The following ITPR1 variants were observed in gnomAD, a reference collection of about 807,000 sequenced individuals.
ITPR1 encodes inositol 1,4,5-trisphosphate-gated calcium channel ITPR1.
A neutral mutation model predicts 318.4 loss-of-function variants in ITPR1; 96 were observed. The observed-to-expected ratio is 0.30, with a 90% CI of 0.26 to 0.36. The LOEUF (loss-of-function observed/expected upper bound fraction) is 0.36. ITPR1 is among the 10% of genes least tolerant of loss of function. The pLI, the probability that ITPR1 is intolerant of heterozygous loss-of-function variation, is 1.00. For synonymous variants in ITPR1, 1,312 were observed against 1,289.9 expected (o/e 1.02, Z -0.37); for missense variants, 2,440 against 3,460.2 (o/e 0.71, Z 7.40).
In ITPR1 at chr3:4,735,294, G is replaced by A; in HGVS notation, c.5484G>A (p.Val1828=). The change falls in exon 44 of 62, where the codon GTG becomes GTA. Residue 1828 remains valine (V), a synonymous_variant. Coordinates refer to ENST00000649015, the MANE Select transcript of ITPR1 (RefSeq NM_001378452.1). The part of the protein sequence containing the change: ...DLIMNASSDR[V]FHESILLAIA... ...TCATGAACGCATCCAGTGACCGAGT[G>A]TTCCATGAAAGCATTCTCCTGGCCA... The A allele has an allele frequency of 1.2e-6, 2 of 1,613,962 alleles. No individual in the cohort carries two copies. Among genetic ancestry groups the A allele is most frequent in the Non-Finnish European group, 1.7e-6 (2 of 1,179,858 alleles).
chr3:4,620,957 G>A (rs752582711), intron 4 of ITPR1, among the ~76,000 whole-genome samples: 9 of 150,730 alleles, frequency 6.0e-5, no homozygotes, highest in Non-Finnish European at 8.8e-5. Context: ...ATAACTGACT[G>A]TTCTATATTT....
intron 44 of ITPR1, among the ~76,000 whole-genome samples, chr3:4,754,461 T>C (rs1206293777): frequency 6.6e-6 from 1 of 152,144 alleles, no homozygotes; most frequent in Non-Finnish European, 1.5e-5. Context: ...ACAGTGATCA[T>C]GTGGGTGAGC....
rs774093756 is a variant in ITPR1 at position 4,702,838 on chromosome 3, G to A, written c.4545G>A (p.Gln1515=). ...CTTTTGGCTTCTTGCAGACTCGCCAGCCTGTCTTTGTGCAACTGCTGCAAG... is the reference window on the plus strand; with the variant it reads ...CTTTTGGCTTCTTGCAGACTCGCCAACCTGTCTTTGTGCAACTGCTGCAAG... ...SDQSTTLQTR[Q]PVFVQLLQGV... Residue 1515 remains glutamine (Q), a synonymous_variant, in exon 36 of 62, where the codon CAG becomes CAA. Transcript: ENST00000649015. 2.5e-6 allele frequency: 4 copies of A among 1,613,772 alleles called. No individual in the cohort carries two copies. In the Admixed American group the frequency reaches 5.0e-5, roughly 20 times the overall value.
At chr3:4,761,216 G>A (rs2045420273) in intron 44 of ITPR1, among the ~76,000 whole-genome samples, 1 of 152,032 alleles carries the variant, frequency 6.6e-6, no homozygotes, top group African/African-American at 2.4e-5. Context: ...GAGGTTTGGG[G>A]GGGTTCACCC....
intron 48 of ITPR1, among the ~76,000 whole-genome samples, chr3:4,777,625 G>A (rs2046560985): frequency 6.6e-6 from 1 of 152,146 alleles, no homozygotes; most frequent in Admixed American, 6.6e-5. Context: ...CTTGCTCCAA[G>A]CTAAGAAGTG....
intron 10 of ITPR1, among the ~76,000 whole-genome samples, chr3:4,647,779 T>C (rs796265916): frequency 1.3e-5 from 2 of 152,330 alleles, no homozygotes; most frequent in African/African-American, 2.4e-5. Context: ...TCTGTGTAGC[T>C]TCTCTGGTGA....
Position 4,800,506 on chromosome 3 carries a change from C to T in ITPR1, c.7013C>T (p.Pro2338Leu). The part of the protein sequence containing the change: ...SLAIVIALPK[P>L]HGIRALIAST... ...GCCATCGTCATTGCCCTCCCCAAGC[C>T]CCATGGCATCCGGGCCTTAATTGCC... The change falls in exon 54 of 62, where the codon CCC becomes CTC. Residue 2338 changes from proline to leucine, a missense_variant. This residue lies in a region of ITPR1 where 126 missense variants were observed against 150.8 expected (regional missense o/e 0.84). Transcript: ENST00000649015. 1 of 1,613,990 alleles carries T rather than the reference C, an allele frequency of 6.2e-7. No individual in the cohort carries two copies. Among genetic ancestry groups the T allele is most frequent in the Non-Finnish European group, 8.5e-7 (1 of 1,179,888 alleles).
At chr3:4,670,003 A>G (rs1040369103) in intron 19 of ITPR1, among the ~76,000 whole-genome samples, 1 of 152,210 alleles carries the variant, frequency 6.6e-6, no homozygotes, top group Non-Finnish European at 1.5e-5. Flanking sequence ...TTTAGAAGTC[A>G]TGTAAACTCA....
chr3:4,648,267 C>T (rs1366804826), intron 10 of ITPR1, among the ~76,000 whole-genome samples: 1 of 152,162 alleles, frequency 6.6e-6, no homozygotes, highest in African/African-American at 2.4e-5. Context: ...TCCATTTTCC[C>T]CTTTCTTCCT....
At chr3:4,553,501 G>T (rs1461120219) in intron 4 of ITPR1, among the ~76,000 whole-genome samples, 2 of 152,166 alleles carry the variant, frequency 1.3e-5, no homozygotes, top group Non-Finnish European at 2.9e-5. Context: ...TACGATTTCA[G>T]CTCAATGTAA....
intron 60 of ITPR1, among the ~76,000 whole-genome samples, chr3:4,828,444 A>G (rs1157572144): frequency 6.6e-6 from 1 of 152,182 alleles, no homozygotes; most frequent in Non-Finnish European, 1.5e-5. Context: ...TTCTCTATTC[A>G]GAGTCTCAAA....
At chr3:4,635,314 A>C (rs2093150513) in intron 5 of ITPR1, among the ~76,000 whole-genome samples, 1 of 152,214 alleles carries the variant, frequency 6.6e-6, no homozygotes, top group Non-Finnish European at 1.5e-5. Flanking sequence ...GAAAGGTGCT[A>C]ACTCAGTAAA....
chr3:4,645,480 A>G lies in ITPR1; in HGVS notation c.708+10A>G. 2 of 1,610,290 alleles carry G rather than the reference A, an allele frequency of 1.2e-6. No homozygotes were observed. The highest frequency in any genetic ancestry group is 1.7e-4 in the Middle Eastern group (1 of 6,052). On this transcript the variant is annotated intron_variant, in intron 9 of 61. Transcript: ENST00000649015. ...CGACATATTAAAGGGGGTGAGTTTGATGCTTTATGGGCTGAGCATTACTTG... is the reference window on the plus strand; with the variant it reads ...CGACATATTAAAGGGGGTGAGTTTGGTGCTTTATGGGCTGAGCATTACTTG...
rs1292239078 is a variant in ITPR1 at position 4,818,263 on chromosome 3, G to A, written c.8028+21G>A. On this transcript the variant is annotated intron_variant, in intron 60 of 61. Coordinates refer to ENST00000649015, the MANE Select transcript of ITPR1 (RefSeq NM_001378452.1). ...TCAAGGTGAGTGGAAAGGCCTCCTG[G>A]GAGCAAGGTGGACTTGGGGCCTACT... 1.9e-6 allele frequency: 3 copies of A among 1,546,862 alleles called. No individual in the cohort carries two copies. The South Asian group carries it at 3.6e-5, about 19-fold the overall frequency.
In ITPR1 at chr3:4,645,488, T is replaced by G. The variant is rs368361481; in HGVS notation, c.708+18T>G. ...TAAAGGGGGTGAGTTTGATGCTTTA[T>G]GGGCTGAGCATTACTTGGCTCTTCT... is the stretch of plus-strand genomic sequence containing the variant. On this transcript the variant is annotated intron_variant, in intron 9 of 61. Coordinates refer to ENST00000649015, the MANE Select transcript of ITPR1 (RefSeq NM_001378452.1). 7 of 1,607,488 alleles carry G rather than the reference T, an allele frequency of 4.4e-6. No homozygotes were observed. Among genetic ancestry groups the G allele is most frequent in the African/African-American group, 2.7e-5 (2 of 74,914 alleles).
At chr3:4,794,946 G>T in intron 52 of ITPR1, 119 bp from the exon 53 acceptor site, 1 of 1,126,532 alleles carries the variant, frequency 8.9e-7, no homozygotes, top group Non-Finnish European at 1.2e-6. Flanking sequence ...TACTCTTGTG[G>T]TAAAAACCGG....
At chr3:4,638,441 C>T (rs1400414779) in intron 5 of ITPR1, among the ~76,000 whole-genome samples, 8 of 152,222 alleles carry the variant, frequency 5.3e-5, no homozygotes, top group Non-Finnish European at 8.8e-5. Context: ...TGAATGAATT[C>T]GGGAAGGTGG....
intron 5 of ITPR1, among the ~76,000 whole-genome samples, chr3:4,635,636 C>CAT (rs2125142223): frequency 6.6e-6 from 1 of 152,134 alleles, no homozygotes; most frequent in Admixed American, 6.5e-5. Context: ...TGAGCCACTG[C>CAT]GCCCAGCCAA....
rs991402811 is a variant in ITPR1 at position 4,706,421 on chromosome 3, C to G, written c.4842+70C>G. 1.2e-5 allele frequency: 16 copies of G among 1,371,292 alleles called. No individual in the cohort carries two copies. In the African/African-American group the frequency reaches 1.4e-4, roughly 12 times the overall value. The allele number at this position is 1,371,292 out of a possible 1,614,324, so 84.9% of individuals were successfully genotyped here. Reference sequence around the variant, plus strand: ...GTGATTGCCACACACAGCAGTGCATCCTTGAGCCACAGAGCATCTAAGCTG... The same window carrying G: ...GTGATTGCCACACACAGCAGTGCATGCTTGAGCCACAGAGCATCTAAGCTG... On this transcript the variant is annotated intron_variant, in intron 37 of 61. Transcript: ENST00000649015.
Sources: allele counts gnomAD v4.1 joint callset (sites outside exome capture counted in the v4.1 genomes callset), GRCh38; gene constraint gnomAD v4.1.1; regional missense constraint gnomAD v4.1.1; transcripts MANE v1.5; gene names NCBI Gene and HGNC (gene_info 2026-07-23, HGNC 2026-07-21).